EPC2: variants seen among roughly 807,000 people sequenced by gnomAD.
EPC2 encodes the protein enhancer of polycomb homolog 2.
In EPC2, 14 loss-of-function variants were observed where a neutral mutation model predicts 92.1. That is an observed-to-expected ratio of 0.15 (90% CI 0.10 to 0.24). The LOEUF is 0.24. Ranked by LOEUF, EPC2 falls within the 10% of genes least tolerant of loss-of-function variation. The pLI is 1.00. For synonymous variants in EPC2, 340 were observed against 334.7 expected (o/e 1.02, Z -0.17); for missense variants, 755 against 971.5 (o/e 0.78, Z 2.96).
At chr2:148,673,003 A>C (rs758567635) in intron 1 of EPC2, among the ~76,000 whole-genome samples, 37 of 152,062 alleles carry the variant, frequency 2.4e-4, no homozygotes, top group Non-Finnish European at 4.4e-4. Context: ...AGTCCTTTGG[A>C]TATATTACTC....
intron 8 of EPC2, among the ~76,000 whole-genome samples, chr2:148,770,008 A>C (rs894934193): frequency 2.0e-5 from 3 of 152,134 alleles, no homozygotes; most frequent in Non-Finnish European, 4.4e-5. Flanking sequence ...ATGGGAAGGC[A>C]GGGAACAGCT....
intron 2 of EPC2, among the ~76,000 whole-genome samples, chr2:148,738,916 G>A (rs893767174): frequency 1.2e-4 from 19 of 152,268 alleles, no homozygotes; most frequent in South Asian, 4.1e-4. Context: ...TCTAATGCTG[G>A]TTGGTCACTG....
At chr2:148,716,203 A>G (rs528054966) in intron 2 of EPC2, among the ~76,000 whole-genome samples, 2 of 152,302 alleles carry the variant, frequency 1.3e-5, no homozygotes, top group South Asian at 2.1e-4. Flanking sequence ...TTCTATTTGA[A>G]TACACTTTAT....
chr2:148,645,924 A>C (rs1444763289), intron 1 of EPC2, among the ~76,000 whole-genome samples: 1 of 152,258 alleles, frequency 6.6e-6, no homozygotes, highest in African/African-American at 2.4e-5. Flanking sequence ...GAGAATTGTC[A>C]TTGCGAGGTG....
Position 148,770,786 on chromosome 2 carries a change from T to C in EPC2, c.1231-6T>C, listed in dbSNP as rs189920838. The C allele has an allele frequency of 3.8e-4, 601 of 1,593,814 alleles. 1 individual carries two copies. The highest frequency in any genetic ancestry group is 5.8e-4 in the Admixed American group (31 of 53,490). On this transcript the variant is annotated splice_region_variant and splice_polypyrimidine_tract_variant and intron_variant, in intron 8 of 13. Coordinates refer to ENST00000258484, the MANE Select transcript of EPC2 (RefSeq NM_015630.4). ...TTTTTGTTTTTTGTTTTTTCTTTCT[T>C]TGCAGCCTCGTTTGGACCAAGCTAA...
chr2:148,783,892 A>G (rs534804957), intron 12 of EPC2, 136 bp downstream of exon 12: 2 of 831,816 alleles, frequency 2.4e-6, no homozygotes, highest in African/African-American at 1.7e-5. Flanking sequence ...CTTTGGAAAG[A>G]TAGTGGGAAA....
chr2:148,666,289 C>T (rs1302178015), intron 1 of EPC2, among the ~76,000 whole-genome samples: 2 of 152,076 alleles, frequency 1.3e-5, no homozygotes, highest in African/African-American at 4.8e-5. Flanking sequence ...TACAGCCATG[C>T]TTCACCATGC....
rs1224074605 is a variant in EPC2 at position 148,690,200 on chromosome 2, T to A, written c.154-14T>A. On this transcript the variant is annotated splice_polypyrimidine_tract_variant and intron_variant, in intron 1 of 13. Coordinates refer to ENST00000258484, the MANE Select transcript of EPC2 (RefSeq NM_015630.4). ...TACTAAAACAACTTATGTTGCCTAC[T>A]TTACATTTTCCAGGAACATCATTTA... is the stretch of plus-strand genomic sequence containing the variant. 6.3e-7 allele frequency: 1 copy of A among 1,581,196 alleles called. No homozygotes were observed. The highest frequency in any genetic ancestry group is 1.4e-5 in the African/African-American group (1 of 73,304).
Position 148,754,021 on chromosome 2 carries a change from G to T in EPC2, c.554G>T (p.Cys185Phe). 6.2e-7 allele frequency: 1 copy of T among 1,611,522 alleles called. No homozygotes were observed. The highest frequency in any genetic ancestry group is 8.5e-7 in the Non-Finnish European group (1 of 1,178,806). Residue 185 changes from cysteine to phenylalanine, a missense_variant, in exon 4 of 14, where the codon TGC becomes TTC. This residue lies in a region of EPC2 where 509 missense variants were observed against 607.7 expected (regional missense o/e 0.84). Transcript: ENST00000258484. ...TACTGGGTGAGAAAACGTAAAAACT[G>T]CAGGGGGCCATCCCTCATTCCTCAG... ...YDYWVRKRKN[C>F]RGPSLIPQIK...
intron 4 of EPC2, among the ~76,000 whole-genome samples, chr2:148,760,673 A>G (rs771479204): frequency 6.6e-6 from 1 of 152,256 alleles, no homozygotes; most frequent in Non-Finnish European, 1.5e-5. Context: ...ATTACACAAA[A>G]GGATGACTTA....
rs374375613 is a variant in EPC2, at chr2:148,761,743, CTG to C, written c.667-35_667-34del. On this transcript the variant is annotated intron_variant, in intron 4 of 13. Coordinates refer to ENST00000258484, the MANE Select transcript of EPC2 (RefSeq NM_015630.4). ...TGAATAAAGCCGGAAATGTAGATAA[CTG>C]TGTTGTTTATTCTTCTAAAATTATT... is the stretch of plus-strand genomic sequence containing the variant. The C allele has an allele frequency of 3.6e-4, 485 of 1,332,630 alleles. 1 individual carries two copies. In the African/African-American group the frequency reaches 7.0e-3, roughly 19 times the overall value. 82.6% of individuals were successfully genotyped at this position (1,332,630 alleles called of 1,614,324 possible).
intron 4 of EPC2, among the ~76,000 whole-genome samples, chr2:148,755,974 C>G (rs1042027519): frequency 6.6e-6 from 1 of 152,142 alleles, no homozygotes; most frequent in Non-Finnish European, 1.5e-5. Flanking sequence ...TTAGCAATGC[C>G]TTTTGAAGGA....
intron 2 of EPC2, among the ~76,000 whole-genome samples, chr2:148,707,813 A>G (rs1682036925): frequency 6.6e-6 from 1 of 152,256 alleles, no homozygotes. Context: ...GAACAAAGAC[A>G]CAACATACCG....
At position 148,736,888 on chromosome 2, in the gene EPC2, C is replaced by G. The variant is rs922495602; in HGVS notation, c.314-6734C>G. Among the ~76,000 whole-genome samples, 4 of 151,044 alleles carry G rather than the reference C, an allele frequency of 2.6e-5. No homozygotes were observed. The East Asian group carries it at 7.8e-4, about 29-fold the overall frequency. ...GCTGAGGCAGGCAGATCGCTTCAGC[C>G]TAGGAGTTCAAAAGCAGCCTGGGGA... On this transcript the variant is annotated intron_variant, in intron 2 of 13. Transcript: ENST00000258484.
chr2:148,660,019 G>A (rs574929598), intron 1 of EPC2, among the ~76,000 whole-genome samples: 1 of 152,140 alleles, frequency 6.6e-6, no homozygotes, highest in South Asian at 2.1e-4. Flanking sequence ...AATATCATGT[G>A]TGTTCATTTG....
At chr2:148,708,206 C>T (rs1204964680) in intron 2 of EPC2, among the ~76,000 whole-genome samples, 1 of 152,168 alleles carries the variant, frequency 6.6e-6, no homozygotes, top group African/African-American at 2.4e-5. Flanking sequence ...TCAGAGAATA[C>T]TATAAACCCC....
intron 3 of EPC2, 40 bp from the exon 4 acceptor site, chr2:148,753,887 C>G (rs751038109): frequency 9.8e-6 from 15 of 1,537,210 alleles, no homozygotes; most frequent in Non-Finnish European, 1.3e-5. Flanking sequence ...TTTCTTTTTG[C>G]AAACATTGTA....
intron 2 of EPC2, among the ~76,000 whole-genome samples, chr2:148,741,703 A>G (rs1380654069): frequency 2.0e-5 from 3 of 152,138 alleles, no homozygotes; most frequent in Non-Finnish European, 4.4e-5. Flanking sequence ...CTTACTCTAA[A>G]TCTTGTCATG....
chr2:148,705,212 C>T (rs1244189003), intron 2 of EPC2, among the ~76,000 whole-genome samples: 2 of 152,122 alleles, frequency 1.3e-5, no homozygotes, highest in Non-Finnish European at 1.5e-5. Context: ...CCAAACAGTA[C>T]ATCTGGCCTT....
Sources: gnomAD v4.1 joint callset for allele counts (sites outside exome capture counted in the v4.1 genomes callset) on GRCh38, gnomAD v4.1.1 for gene constraint, gnomAD v4.1.1 regional missense constraint, MANE v1.5 for transcripts, NCBI Gene and HGNC (gene_info 2026-07-23, HGNC 2026-07-21) for gene names.